LCK: variants seen among roughly 807,000 people sequenced by gnomAD.
LCK encodes tyrosine-protein kinase Lck.
In LCK, 14 loss-of-function variants were observed where a neutral mutation model predicts 64.6. The observed-to-expected ratio is 0.22, with a 90% CI of 0.14 to 0.34. LCK has a LOEUF of 0.34. Ranked by LOEUF, LCK falls within the 10% of genes least tolerant of loss-of-function variation. The probability of loss-of-function intolerance (pLI) is 1.00; values close to 1 mark genes in which losing one functional copy is unlikely to be tolerated. For synonymous variants in LCK, 277 were observed against 263.6 expected, an observed-to-expected ratio of 1.05 and a Z score of -0.49; for missense variants, 434 against 668.1, an observed-to-expected ratio of 0.65 and a Z score of 3.86.
rs375109857 is a variant in LCK, at chr1:32,265,364, A to G, written c.-5-8961A>G. ...GACTTCCTGGGAGCATGTAAACTTC[A>G]GGCTGGGAGCCTCTGACTACAAACA... On this transcript the variant is annotated intron_variant, in intron 1 of 12. Coordinates refer to ENST00000336890, the MANE Select transcript of LCK (RefSeq NM_005356.5). Among the ~76,000 whole-genome samples the G allele has an allele frequency of 1.2e-3, 187 of 152,334 alleles. 1 individual carries two copies. Among genetic ancestry groups the G allele is most frequent in the African/African-American group, 4.4e-3 (181 of 41,572 alleles).
At chr1:32,254,223 T>C (rs1639575681) in intron 1 of LCK, among the ~76,000 whole-genome samples, 1 of 152,136 alleles carries the variant, frequency 6.6e-6, no homozygotes, top group Non-Finnish European at 1.5e-5. Flanking sequence ...ATTCTGTCTC[T>C]AAAAAATAAA....
At chr1:32,279,073 T>C (rs1235134545) in intron 9 of LCK, among the ~76,000 whole-genome samples, 3 of 152,164 alleles carry the variant, frequency 2.0e-5, no homozygotes, top group Non-Finnish European at 4.4e-5. Context: ...TGAAACAAGG[T>C]TCCTGTTGTC....
At chr1:32,255,809 T>A (rs938699397) in intron 1 of LCK, among the ~76,000 whole-genome samples, 85 of 150,566 alleles carry the variant, frequency 5.6e-4, no homozygotes, top group Admixed American at 1.1e-3. Context: ...TATTTTTTTT[T>A]TTTTTTTTTT....
chr1:32,257,410 C>T (rs1011913797), intron 1 of LCK, among the ~76,000 whole-genome samples: 2 of 151,772 alleles, frequency 1.3e-5, no homozygotes, highest in Admixed American at 6.6e-5. Flanking sequence ...ACACAAAGTC[C>T]GGCTAATTTT....
Position 32,280,010 on chromosome 1 carries a change from A to C in LCK, c.1195+16A>C, listed in dbSNP as rs962011741. On this transcript the variant is annotated intron_variant, in intron 11 of 12. Coordinates refer to ENST00000336890, the MANE Select transcript of LCK (RefSeq NM_005356.5). The stretch of plus-strand genomic sequence containing the variant: ...GCCAGGGAGGGTACGTGTGAGATTT[A>C]AGGGTGGTCTGGGCCCTGCAGGGTC... 1.2e-6 allele frequency: 2 copies of C among 1,613,922 alleles called. No homozygotes were observed. Among genetic ancestry groups the C allele is most frequent in the Admixed American group, 3.3e-5 (2 of 59,994 alleles).
Position 32,276,761 on chromosome 1 carries a change from C to A in LCK, c.939C>A (p.Tyr313Ter). Reference sequence around the variant, plus strand: ...CTGTGGTCACCCAGGAGCCCATCTACATCATCACTGAATACATGGAGAATG... The same window carrying A: ...CTGTGGTCACCCAGGAGCCCATCTAAATCATCACTGAATACATGGAGAATG... The part of the protein sequence containing the change: ...LYAVVTQEPI[Y>*]IITEYMENGS... Residue 313 changes from tyrosine to a stop codon, truncating the protein, a stop_gained, in exon 9 of 13, where the codon TAC becomes TAA. Transcript: ENST00000336890. LOFTEE classifies it high-confidence loss of function. This position sits in a 1 kb window ranked among gnomAD's most constrained non-coding sequence, Gnocchi z 4.6. The A allele has an allele frequency of 6.2e-7, 1 of 1,611,156 alleles. No individual in the cohort carries two copies. The highest frequency in any genetic ancestry group is 8.5e-7 in the Non-Finnish European group (1 of 1,178,196).
At chr1:32,268,457 C>T (rs1639988487) in intron 1 of LCK, among the ~76,000 whole-genome samples, 1 of 151,446 alleles carries the variant, frequency 6.6e-6, no homozygotes, top group Admixed American at 6.6e-5. Context: ...GGATTATAGG[C>T]ATGCACCACC....
chr1:32,253,563 T>C (rs2124298432), intron 1 of LCK, among the ~76,000 whole-genome samples: 1 of 152,272 alleles, frequency 6.6e-6, no homozygotes, highest in East Asian at 1.9e-4. Context: ...ATTACAGGCA[T>C]GAGCCACCGC....
chr1:32,276,014 CCCTCGAATCACT>C lies in LCK; in HGVS notation c.583_594del (p.Pro195_Thr198del). 1 of 1,614,108 alleles carries C rather than the reference CCCTCGAATCACT, an allele frequency of 6.2e-7. No homozygotes were observed. Among genetic ancestry groups the C allele is most frequent in the African/African-American group, 1.3e-5 (1 of 74,994 alleles). On this transcript the variant is annotated inframe_deletion, in exon 7 of 13. Coordinates refer to ENST00000336890, the MANE Select transcript of LCK (RefSeq NM_005356.5). This position sits in a 1 kb window ranked among gnomAD's most constrained non-coding sequence, Gnocchi z 4.6. ...TGGACAACGGTGGCTTCTACATCTC[CCCTCGAATCACT>C]TTTCCCGGCCTGCATGAACTGGTCC...
Position 32,275,592 on chromosome 1 carries a change from G to T in LCK, c.401G>T (p.Arg134Leu). 6.4e-7 allele frequency: 1 copy of T among 1,572,480 alleles called. No individual in the cohort carries two copies. The highest frequency in any genetic ancestry group is 8.6e-7 in the Non-Finnish European group (1 of 1,158,696). Residue 134 changes from arginine to leucine, a missense_variant, in exon 6 of 13, where the codon CGC becomes CTC. Physicochemically the swap from Arg to Leu is moderately radical, Grantham distance 102. Coordinates refer to ENST00000336890, the MANE Select transcript of LCK (RefSeq NM_005356.5). The surrounding 1 kb of genome is among the most constrained non-coding windows in gnomAD (Gnocchi z 6.9). ...AGCTGGTTCTTCAAGAACCTGAGCC[G>T]CAAGGACGCGGAGCGGCAGCTCCTG... ...PEPWFFKNLS[R>L]KDAERQLLAP...
intron 12 of LCK, among the ~76,000 whole-genome samples, chr1:32,280,451 T>C (rs1640421946): frequency 8.6e-6 from 1 of 116,706 alleles, no homozygotes; most frequent in Non-Finnish European, 1.9e-5. Context: ...TTCTTTTTTT[T>C]TTTTTTTTTT....
intron 1 of LCK, among the ~76,000 whole-genome samples, chr1:32,262,164 G>T (rs1208207232): frequency 1.4e-5 from 2 of 144,812 alleles, no homozygotes; most frequent in African/African-American, 2.5e-5. Context: ...GGTTACAGGT[G>T]TGAGCCACGG....
At chr1:32,284,278 G>GATATATATAT (rs1313338162) in intron 12 of LCK, among the ~76,000 whole-genome samples, 2 of 145,936 alleles carry the variant, frequency 1.4e-5, no homozygotes, top group Non-Finnish European at 3.0e-5. Flanking sequence ...ATATCTGTGA[G>GATATATATAT]ATATATATAT....
chr1:32,257,671 G>A (rs1456082760), intron 1 of LCK, among the ~76,000 whole-genome samples: 1 of 152,140 alleles, frequency 6.6e-6, no homozygotes, highest in African/African-American at 2.4e-5. Context: ...ATAAAGCAGT[G>A]TGGATTGCCA....
intron 1 of LCK, among the ~76,000 whole-genome samples, chr1:32,272,744 G>T (rs2124346061): frequency 6.6e-6 from 1 of 152,126 alleles, no homozygotes; most frequent in South Asian, 2.1e-4. Context: ...GGCAAGAATA[G>T]TTCAGAACAC....
intron 1 of LCK, among the ~76,000 whole-genome samples, chr1:32,267,898 A>AAAT (rs1203315301): frequency 3.3e-5 from 5 of 150,766 alleles, no homozygotes; most frequent in Non-Finnish European, 7.4e-5. Flanking sequence ...CTGTCTCAAA[A>AAAT]AATAATAATA....
At chr1:32,267,833 G>T (rs1409996987) in intron 1 of LCK, among the ~76,000 whole-genome samples, 1 of 151,654 alleles carries the variant, frequency 6.6e-6, no homozygotes. Context: ...GGTGGATATT[G>T]CAGTGAGCCG....
At position 32,276,195 on chromosome 1, in the gene LCK, A is replaced by G. The variant is rs11576033; in HGVS notation, c.631+132A>G. ...TGGGTGAGGTGTGGAACCTGACCCT[A>G]CGGCCCCAAGTGTTTGGGTGACAGC... On this transcript the variant is annotated intron_variant, in intron 7 of 12. Transcript: ENST00000336890. The surrounding 1 kb of genome is among the most constrained non-coding windows in gnomAD (Gnocchi z 4.6). 4.6e-4 allele frequency: 662 copies of G among 1,446,992 alleles called. 3 individuals carry two copies. The South Asian group carries it at 5.5e-3, about 12-fold the overall frequency. The allele number at this position is 1,446,992 out of a possible 1,614,324, so 89.6% of individuals were successfully genotyped here.
At chr1:32,280,431 TTTTTTC>T (rs1409584470) in intron 12 of LCK, among the ~76,000 whole-genome samples, 2 of 149,586 alleles carry the variant, frequency 1.3e-5, no homozygotes, top group Non-Finnish European at 3.0e-5. Flanking sequence ...CTTTTTCTCT[TTTTTTC>T]TTTTTCTTTT....
Sources: allele counts gnomAD v4.1 joint callset (sites outside exome capture counted in the v4.1 genomes callset), GRCh38; gene constraint gnomAD v4.1.1; non-coding constraint Gnocchi (gnomAD v3.1); transcripts MANE v1.5; gene names NCBI Gene and HGNC (gene_info 2026-07-23, HGNC 2026-07-21).